Variants in GALNT18 observed in about 807,000 individuals in gnomAD.
GALNT18 encodes polypeptide N-acetylgalactosaminyltransferase 18, also known as GalNAc-transferase 18.
A neutral mutation model predicts 69.5 loss-of-function variants in GALNT18; 44 were observed. The ratio of observed to expected loss-of-function variants is 0.63; its 90% CI spans 0.50 to 0.81. The LOEUF (loss-of-function observed/expected upper bound fraction) is 0.81, where lower values mean the gene tolerates loss of function less well. Ranked by LOEUF, GALNT18 falls within the 40% of genes least tolerant of loss-of-function variation. The pLI, the probability that GALNT18 is intolerant of heterozygous loss-of-function variation, is 0.00. For synonymous variants in GALNT18, 364 were observed against 318.2 expected, an observed-to-expected ratio of 1.14 and a Z score of -1.53; for missense variants, 715 against 810.0, an observed-to-expected ratio of 0.88 and a Z score of 1.42.
Position 11,356,583 on chromosome 11 carries a change from C to T in GALNT18, c.1093-15579G>A, listed in dbSNP as rs1435645014. 6.6e-6 allele frequency among the ~76,000 whole-genome samples: 1 copy of T among 152,150 alleles called. No homozygotes were observed. The highest frequency in any genetic ancestry group is 2.4e-5 in the African/African-American group (1 of 41,444). The stretch of plus-strand genomic sequence containing the variant: ...TATAATCAAAGTTCACCAATTGTCC[C>T]AATCAAAGCCTTTATAGCTATTTTT... On this transcript the variant is annotated intron_variant, in intron 6 of 10. Coordinates refer to ENST00000227756, the MANE Select transcript of GALNT18 (RefSeq NM_198516.3). This position sits in a 1 kb window ranked among gnomAD's most constrained non-coding sequence, Gnocchi z 4.4.
chr11:11,393,084 A>G (rs1276378122), intron 3 of GALNT18, among the ~76,000 whole-genome samples: 1 of 152,228 alleles, frequency 6.6e-6, no homozygotes, highest in Non-Finnish European at 1.5e-5. Flanking sequence ...GGGAGCAGGC[A>G]GTCCAGCAGC....
Position 11,621,327 on chromosome 11 carries a change from A to C in GALNT18, c.235+32T>G. ...GCCGCGCGGGGCACTCCCGGGCCTC[A>C]TGGGCGACCCAAGTTTCCGGGGCGC... On this transcript the variant is annotated intron_variant, in intron 1 of 10. Coordinates refer to ENST00000227756, the MANE Select transcript of GALNT18 (RefSeq NM_198516.3). This position sits in a 1 kb window ranked among gnomAD's most constrained non-coding sequence, Gnocchi z 9.3. 1 of 1,593,588 alleles carries C rather than the reference A, an allele frequency of 6.3e-7. No homozygotes were observed.
intron 1 of GALNT18, among the ~76,000 whole-genome samples, chr11:11,481,981 G>T (rs7481099): frequency 0.44 from 67,073 of 152,046 alleles, 15,249 homozygotes; most frequent in South Asian, 0.57. Context: ...CATCCCTGTC[G>T]AAGTCCCTAC....
Position 11,436,728 on chromosome 11 carries a change from A to G in GALNT18, c.429-3941T>C, listed in dbSNP as rs1415781958. On this transcript the variant is annotated intron_variant, in intron 2 of 10. Transcript: ENST00000227756. The surrounding 1 kb of genome is among the most constrained non-coding windows in gnomAD (Gnocchi z 4.5). Reference sequence around the variant, plus strand: ...CAAAAAGAGGGAAGAAGAGCATATCAAGCAAGACATCTACATCCTTCCTGG... The same window carrying G: ...CAAAAAGAGGGAAGAAGAGCATATCGAGCAAGACATCTACATCCTTCCTGG... Among the ~76,000 whole-genome samples, 3 of 152,256 alleles carry G rather than the reference A, an allele frequency of 2.0e-5. No homozygotes were observed. Among genetic ancestry groups the G allele is most frequent in the Admixed American group, 2.0e-4 (3 of 15,284 alleles).
At chr11:11,609,736 G>A (rs972819985) in intron 1 of GALNT18, among the ~76,000 whole-genome samples, 1 of 152,188 alleles carries the variant, frequency 6.6e-6, no homozygotes, top group Non-Finnish European at 1.5e-5. Flanking sequence ...AACAATGCCA[G>A]CCTTGGTGTC....
chr11:11,575,438 G>A (rs866176174), intron 1 of GALNT18, among the ~76,000 whole-genome samples: 1 of 152,222 alleles, frequency 6.6e-6, no homozygotes, highest in African/African-American at 2.4e-5. Flanking sequence ...GACCTCTCAG[G>A]AGGAGAGAGC....
At chr11:11,428,070 G>C (rs1333819463) in intron 3 of GALNT18, among the ~76,000 whole-genome samples, 1 of 152,208 alleles carries the variant, frequency 6.6e-6, no homozygotes, top group Non-Finnish European at 1.5e-5. Context: ...TCTTCCTTCC[G>C]TTAGCCCAGG....
chr11:11,493,593 CAGTA>C (rs1856816246), intron 1 of GALNT18, among the ~76,000 whole-genome samples: 1 of 152,108 alleles, frequency 6.6e-6, no homozygotes, highest in African/African-American at 2.4e-5. Context: ...CAGTGATGCT[CAGTA>C]AGTGATTGTT....
At chr11:11,312,145 ACGGGGTCTCACTG>A (rs1431416652) in intron 9 of GALNT18, among the ~76,000 whole-genome samples, 2 of 152,058 alleles carry the variant, frequency 1.3e-5, no homozygotes, top group African/African-American at 2.4e-5. Flanking sequence ...TTTAGTAGAG[ACGGGGTCTCACTG>A]TGTTAGCCAG....
rs1589929942 is a variant in GALNT18 at position 11,352,639 on chromosome 11, T to C, written c.1093-11635A>G. The stretch of plus-strand genomic sequence containing the variant: ...CTGTGCTCATGATCAATCATGACAT[T>C]ATGGGGCTTGACATCTCTGTGCATA... On this transcript the variant is annotated intron_variant, in intron 6 of 10. Coordinates refer to ENST00000227756, the MANE Select transcript of GALNT18 (RefSeq NM_198516.3). 14 of 1,614,186 alleles carry C rather than the reference T, an allele frequency of 8.7e-6. No individual in the cohort carries two copies. In the East Asian group the frequency reaches 3.1e-4, roughly 36 times the overall value.
rs544710157 is a variant in GALNT18, at chr11:11,602,995, G to A, written c.235+18364C>T. ...AGATCAGAATATTTAAAATTGGGTTGTCCCATATAACCTGAGAATATTAAA... is the reference window on the plus strand; with the variant it reads ...AGATCAGAATATTTAAAATTGGGTTATCCCATATAACCTGAGAATATTAAA... On this transcript the variant is annotated intron_variant, in intron 1 of 10. Coordinates refer to ENST00000227756, the MANE Select transcript of GALNT18 (RefSeq NM_198516.3). The surrounding 1 kb of genome is among the most constrained non-coding windows in gnomAD (Gnocchi z 4.7). Among the ~76,000 whole-genome samples the A allele has an allele frequency of 3.9e-5, 6 of 152,296 alleles. No homozygotes were observed. The South Asian group carries it at 6.2e-4, about 16-fold the overall frequency.
intron 5 of GALNT18, among the ~76,000 whole-genome samples, chr11:11,374,459 A>G (rs1352177289): frequency 6.6e-6 from 1 of 152,262 alleles, no homozygotes; most frequent in Non-Finnish European, 1.5e-5. Flanking sequence ...ATTCAGAAAC[A>G]TCAGGCTGGC....
intron 1 of GALNT18, among the ~76,000 whole-genome samples, chr11:11,536,305 T>C (rs1857771892): frequency 6.6e-6 from 1 of 152,224 alleles, no homozygotes; most frequent in South Asian, 2.1e-4. Context: ...TTTTACAGAA[T>C]AGGACTGGAC....
chr11:11,535,231 G>A (rs967239009), intron 1 of GALNT18, among the ~76,000 whole-genome samples: 12 of 152,198 alleles, frequency 7.9e-5, no homozygotes, highest in African/African-American at 2.7e-4. Flanking sequence ...TTGGAGACCA[G>A]GGCACTCTGG....
chr11:11,615,114 A>C (rs1252248405), intron 1 of GALNT18, among the ~76,000 whole-genome samples: 1 of 152,162 alleles, frequency 6.6e-6, no homozygotes, highest in Non-Finnish European at 1.5e-5. Context: ...TTACTATTTA[A>C]ATGACACTCT....
chr11:11,440,242 G>A (rs1229146310), intron 2 of GALNT18, among the ~76,000 whole-genome samples: 1 of 152,210 alleles, frequency 6.6e-6, no homozygotes. Context: ...GCAACCAACA[G>A]GAAGCAGGGA....
chr11:11,284,702 C>T (rs1849154713), intron 10 of GALNT18, among the ~76,000 whole-genome samples: 1 of 152,126 alleles, frequency 6.6e-6, no homozygotes, highest in Non-Finnish European at 1.5e-5. Context: ...GGGCAAGCAG[C>T]CCAGTGGGTC....
rs1849732333 is a variant in GALNT18, at chr11:11,315,225, G to A, written c.1512+11861C>T. On this transcript the variant is annotated intron_variant, in intron 9 of 10. Coordinates refer to ENST00000227756, the MANE Select transcript of GALNT18 (RefSeq NM_198516.3). This position sits in a 1 kb window ranked among gnomAD's most constrained non-coding sequence, Gnocchi z 5.6. ...GAGGTCAAGAGAAATTATGTGTTCA[G>A]TTCCAGGTCACAAGCTAACCAGTGG... 6.6e-6 allele frequency among the ~76,000 whole-genome samples: 1 copy of A among 152,192 alleles called. No homozygotes were observed. The highest frequency in any genetic ancestry group is 2.4e-5 in the African/African-American group (1 of 41,436).
intron 9 of GALNT18, among the ~76,000 whole-genome samples, chr11:11,312,026 G>T (rs1040277897): frequency 6.6e-6 from 1 of 152,130 alleles, no homozygotes; most frequent in Non-Finnish European, 1.5e-5. Context: ...GCGCAATCTC[G>T]GCTCACTGCA....
Sources: gnomAD v4.1 joint callset for allele counts (sites outside exome capture counted in the v4.1 genomes callset) on GRCh38, gnomAD v4.1.1 for gene constraint, Gnocchi (gnomAD v3.1) non-coding constraint, MANE v1.5 for transcripts, NCBI Gene and HGNC (gene_info 2026-07-23, HGNC 2026-07-21) for gene names.